ITGB4: variants seen among roughly 807,000 people sequenced by gnomAD.
ITGB4 encodes integrin subunit beta 4.
Under a neutral mutation model 207.6 loss-of-function variants are expected in ITGB4, and 159 were observed. That is an observed-to-expected ratio of 0.77 (90% CI 0.67 to 0.87). ITGB4 has a LOEUF of 0.87. Ranked by LOEUF, ITGB4 falls within the 40% of genes least tolerant of loss-of-function variation. ITGB4 has a pLI of 0.00. For missense variants in ITGB4, 2,278 were observed against 2,546.8 expected (o/e 0.89, Z 2.27); for synonymous variants, 1,020 against 1,062.7 (o/e 0.96, Z 0.78).
rs767841126 is a variant in ITGB4 at position 75,754,829 on chromosome 17, G to A, written c.4558+14G>A. The A allele has an allele frequency of 6.2e-7, 1 of 1,613,706 alleles. No homozygotes were observed. The highest frequency in any genetic ancestry group is 8.5e-7 in the Non-Finnish European group (1 of 1,179,958). ...TCTCCTCCCACGGTGAGTGACCTCA[G>A]CCAACCCTGCCTCTCCCACTAACCC... is the stretch of plus-strand genomic sequence containing the variant. On this transcript the variant is annotated intron_variant, in intron 34 of 39. Transcript: ENST00000200181.
intron 6 of ITGB4, 51 bp downstream of exon 6, chr17:75,728,524 C>T (rs762660773): frequency 9.5e-6 from 13 of 1,365,528 alleles, no homozygotes; most frequent in African/African-American, 1.4e-5. Context: ...GGCCATGTGA[C>T]CCCCACTCCT....
rs1214418278 is a variant in ITGB4 at position 75,750,362 on chromosome 17, G to T, written c.3474+94G>T. ...GGGCCGTCCAAGGCCAGGGCCCCCT[G>T]AGAGAGAGCAGACAGTGGAACCTAG... On this transcript the variant is annotated intron_variant, in intron 28 of 39. Coordinates refer to ENST00000200181, the MANE Select transcript of ITGB4 (RefSeq NM_000213.5). This position sits in a 1 kb window ranked among gnomAD's most constrained non-coding sequence, Gnocchi z 5.5. The T allele has an allele frequency of 5.3e-6, 7 of 1,316,034 alleles. No individual in the cohort carries two copies. The highest frequency in any genetic ancestry group is 2.9e-5 in the African/African-American group (2 of 68,452). 81.5% of individuals were successfully genotyped at this position (1,316,034 alleles called of 1,614,324 possible).
In ITGB4 at chr17:75,740,740, G is replaced by A. The variant is rs1171265490; in HGVS notation, c.2551-53G>A. 4 of 1,596,600 alleles carry A rather than the reference G, an allele frequency of 2.5e-6. No individual in the cohort carries two copies. The Admixed American group carries it at 6.7e-5, about 27-fold the overall frequency. The stretch of plus-strand genomic sequence containing the variant: ...GGCTCCCTGGGTCCCCAGCCTGAGG[G>A]CTTGCCACGGGGTGGCCTAGGCCCA... On this transcript the variant is annotated intron_variant, in intron 21 of 39. Transcript: ENST00000200181. The surrounding 1 kb of genome is among the most constrained non-coding windows in gnomAD (Gnocchi z 5.9).
In ITGB4 at chr17:75,737,643, A is replaced by G. The variant is rs2061011576; in HGVS notation, c.2219A>G (p.Lys740Arg). The G allele has an allele frequency of 6.2e-7, 1 of 1,612,396 alleles. No individual in the cohort carries two copies. The highest frequency in any genetic ancestry group is 8.5e-7 in the Non-Finnish European group (1 of 1,179,702). The stretch of plus-strand genomic sequence containing the variant: ...TGCTGGAAGTACTGTGCCTGCTGCA[A>G]GGTGAGCACCCAGGGTGCCTCCCAA... The part of the protein sequence containing the change: ...LLCWKYCACC[K>R]ACLALLPCCN... Residue 740 changes from lysine to arginine, a missense_variant and splice_region_variant, in exon 18 of 40, where the codon AAG (lysine) becomes AGG (arginine). Coordinates refer to ENST00000200181, the MANE Select transcript of ITGB4 (RefSeq NM_000213.5).
At chr17:75,756,020 G>A (rs1167986064) in intron 35 of ITGB4, among the ~76,000 whole-genome samples, 170 bp downstream of exon 35, 1 of 152,084 alleles carries the variant, frequency 6.6e-6, no homozygotes, top group African/African-American at 2.4e-5. Context: ...CCACTTCTTT[G>A]CCTCCCCTCT....
rs1454167818 is a variant in ITGB4, at chr17:75,730,600, CCCTTCCTCCCTT to C, written c.1002+100_1002+111del. ...TCCCTCCCTCCCTCCCTCCCTCCCT[CCCTTCCTCCCTT>C]CCTCCCTCCCTCTTTTCCTCCCTTT... On this transcript the variant is annotated intron_variant, in intron 8 of 39. Coordinates refer to ENST00000200181, the MANE Select transcript of ITGB4 (RefSeq NM_000213.5). 2.4e-3 allele frequency: 2,276 copies of C among 940,602 alleles called. 40 individuals carry two copies. In the East Asian group the frequency reaches 0.037, roughly 15 times the overall value. 58.3% of individuals were successfully genotyped at this position (940,602 alleles called of 1,614,324 possible). A position where few individuals can be genotyped will look rare whatever the true frequency, so the allele number is the denominator to read the frequency against.
chr17:75,726,162 A>T (rs1332759841), intron 2 of ITGB4, among the ~76,000 whole-genome samples: 1 of 152,196 alleles, frequency 6.6e-6, no homozygotes, highest in Non-Finnish European at 1.5e-5. Context: ...CCTCTGTAAA[A>T]TAGGGAACGG....
rs1340801717 is a variant in ITGB4, at chr17:75,743,813, G to T, written c.3063G>T (p.Lys1021Asn). The T allele has an allele frequency of 6.2e-7, 1 of 1,611,104 alleles. No homozygotes were observed. Among genetic ancestry groups the T allele is most frequent in the South Asian group, 1.1e-5 (1 of 90,750 alleles). The change falls in exon 26 of 40, where the codon AAG (lysine) becomes AAT (asparagine). Residue 1021 changes from lysine to asparagine, a missense_variant. Transcript: ENST00000200181. The part of the protein sequence containing the change: ...PVIRRVLDGG[K>N]SQVSYRTQDG... ...TCCGGCGTGTCCTGGACGGCGGGAA[G>T]TCCCAGGTCTCCTACCGCACACAGG...
chr17:75,729,175 A>AC lies in ITGB4; in HGVS notation c.567-90_567-89insC. ...CTTGGTCTCAAAAAAAAAAAAAAAA[A>AC]TTCTCCTTCTAGTTGAAACGAGCCA... is the stretch of plus-strand genomic sequence containing the variant. On this transcript the variant is annotated intron_variant, in intron 6 of 39. Coordinates refer to ENST00000200181, the MANE Select transcript of ITGB4 (RefSeq NM_000213.5). The surrounding 1 kb of genome is among the most constrained non-coding windows in gnomAD (Gnocchi z 4.4). The AC allele has an allele frequency of 1.6e-6, 2 of 1,249,006 alleles. No individual in the cohort carries two copies. Among genetic ancestry groups the AC allele is most frequent in the East Asian group, 4.9e-5 (2 of 41,124 alleles). 77.4% of individuals were successfully genotyped at this position (1,249,006 alleles called of 1,614,324 possible). A position where few individuals can be genotyped will look rare whatever the true frequency, so the allele number is the denominator to read the frequency against.
chr17:75,737,789 CA>C lies in ITGB4; in HGVS notation c.2220+146del, dbSNP rs562469569. 1.3e-4 allele frequency: 95 copies of C among 730,554 alleles called. No homozygotes were observed. In the African/African-American group the frequency reaches 1.6e-3, roughly 12 times the overall value. The allele number at this position is 730,554 out of a possible 1,614,324, so 45.3% of individuals were successfully genotyped here. A position where few individuals can be genotyped will look rare whatever the true frequency, so the allele number is the denominator to read the frequency against. ...ACCCCTTCCTGGGTCCCCACCTCCC[CA>C]GGGTCCCCATCCCAACAGGGTCCCC... On this transcript the variant is annotated intron_variant, in intron 18 of 39. Coordinates refer to ENST00000200181, the MANE Select transcript of ITGB4 (RefSeq NM_000213.5).
intron 35 of ITGB4, 29 bp from the exon 36 acceptor site, chr17:75,756,397 CACT>C: frequency 6.2e-7 from 1 of 1,610,494 alleles, no homozygotes; most frequent in Non-Finnish European, 8.5e-7. Flanking sequence ...AGTAACACTG[CACT>C]ACTGTGTGCC....
rs186503812 is a variant in ITGB4, at chr17:75,743,921, G to T, written c.3111+60G>T. 3.4e-4 allele frequency: 519 copies of T among 1,521,764 alleles called. 2 individuals are homozygous for T. In the African/African-American group the frequency reaches 6.3e-3, roughly 19 times the overall value. 94.3% of individuals were successfully genotyped at this position (1,521,764 alleles called of 1,614,324 possible). On this transcript the variant is annotated intron_variant, in intron 26 of 39. Transcript: ENST00000200181. ...GGGGGGCTGCGTGGGCACCGCATTG[G>T]GTTCCCAAGACAAAGCAGCACATGG...
At chr17:75,744,067 T>C (rs924910732) in intron 26 of ITGB4, among the ~76,000 whole-genome samples, 1 of 150,424 alleles carries the variant, frequency 6.6e-6, no homozygotes, top group Non-Finnish European at 1.5e-5. Flanking sequence ...AGTGACACGC[T>C]GGATGAGGCT....
intron 23 of ITGB4, among the ~76,000 whole-genome samples, chr17:75,741,967 G>A (rs1028780798): frequency 6.6e-6 from 1 of 152,232 alleles, no homozygotes; most frequent in Non-Finnish European, 1.5e-5. Flanking sequence ...GGAAGCTGAG[G>A]CTCAAAAGGG....
chr17:75,754,471 A>T, intron 33 of ITGB4, 105 bp from the exon 34 acceptor site: 4 of 1,441,924 alleles, frequency 2.8e-6, no homozygotes, highest in Admixed American at 1.7e-5. Flanking sequence ...TTTAAGCAAA[A>T]GCCACCCAGA....
At chr17:75,743,914 C>T (rs889256209) in intron 26 of ITGB4, 53 bp downstream of exon 26, 117 of 1,530,150 alleles carry the variant, frequency 7.6e-5, no homozygotes, top group Non-Finnish European at 8.6e-5. Flanking sequence ...GCGTGGGCAC[C>T]GCATTGGGTT....
Position 75,727,620 on chromosome 17 carries a change from C to A in ITGB4, c.265-31C>A, listed in dbSNP as rs751937223. On this transcript the variant is annotated intron_variant, in intron 4 of 39. Transcript: ENST00000200181. The surrounding 1 kb of genome is among the most constrained non-coding windows in gnomAD (Gnocchi z 6.0). The stretch of plus-strand genomic sequence containing the variant: ...CCCATCGGGCCTCCGGAGTGACCCT[C>A]TAGCCAGCTGTCCCCTTCCACTGGC... 10 of 1,586,288 alleles carry A rather than the reference C, an allele frequency of 6.3e-6. No individual in the cohort carries two copies. Among genetic ancestry groups the A allele is most frequent in the Admixed American group, 5.4e-5 (3 of 55,610 alleles).
rs2061331737 is a variant in ITGB4, at chr17:75,750,070, G to A, written c.3317-41G>A. The A allele has an allele frequency of 6.2e-7, 1 of 1,613,014 alleles. No individual in the cohort carries two copies. The highest frequency in any genetic ancestry group is 1.3e-5 in the African/African-American group (1 of 75,020). Reference sequence around the variant, plus strand: ...TCTCTGGCGCCCCCTGGTGGTGAAGGGGGATCTGAGTGGTTGCCCGGCCCC... The same window carrying A: ...TCTCTGGCGCCCCCTGGTGGTGAAGAGGGATCTGAGTGGTTGCCCGGCCCC... On this transcript the variant is annotated intron_variant, in intron 27 of 39. Transcript: ENST00000200181. The surrounding 1 kb of genome is among the most constrained non-coding windows in gnomAD (Gnocchi z 5.5).
rs563302272 is a variant in ITGB4 at position 75,741,870 on chromosome 17, A to G, written c.2634-471A>G. ...CCTGCTACGGGCCAAGCATTGTCCT[A>G]AGGGCTTTCCGTGTGTGGTCATCTT... On this transcript the variant is annotated intron_variant, in intron 23 of 39. Transcript: ENST00000200181. Among the ~76,000 whole-genome samples the G allele has an allele frequency of 1.4e-4, 22 of 151,824 alleles. No individual in the cohort carries two copies. In the South Asian group the frequency reaches 4.6e-3, roughly 32 times the overall value.
Sources: allele counts gnomAD v4.1 joint callset (sites outside exome capture counted in the v4.1 genomes callset), GRCh38; gene constraint gnomAD v4.1.1; non-coding constraint Gnocchi (gnomAD v3.1); transcripts MANE v1.5; gene names NCBI Gene and HGNC (gene_info 2026-07-23, HGNC 2026-07-21).